Variants in CDAN1 observed in about 807,000 individuals in gnomAD.
CDAN1 encodes codanin-1.
A neutral mutation model predicts 139.8 loss-of-function variants in CDAN1; 107 were observed. That is an observed-to-expected ratio of 0.77 (90% CI 0.65 to 0.90). The LOEUF is 0.90. Ranked by LOEUF, CDAN1 falls within the 40% of genes least tolerant of loss-of-function variation. The pLI, the probability that CDAN1 is intolerant of heterozygous loss-of-function variation, is 0.00. For synonymous variants in CDAN1, 776 were observed against 660.6 expected, an observed-to-expected ratio of 1.17 and a Z score of -2.68; for missense variants, 1,667 against 1,575.7, an observed-to-expected ratio of 1.06 and a Z score of -0.98.
In CDAN1 at chr15:42,734,615, C is replaced by CT. The variant is rs899976002; in HGVS notation, c.1137-270dup. Among the ~76,000 whole-genome samples the CT allele has an allele frequency of 3.4e-3, 509 of 151,212 alleles. 1 individual carries two copies. Among genetic ancestry groups the CT allele is most frequent in the African/African-American group, 0.011 (465 of 41,248 alleles). On this transcript the variant is annotated intron_variant, in intron 6 of 27. Coordinates refer to ENST00000356231, the MANE Select transcript of CDAN1 (RefSeq NM_138477.4). ...AGACCACAGGGGTCCATTTCTTTTTCTTTTTTTTTGAGATGGGGGTCTCTG... is the reference window on the plus strand; with the variant it reads ...AGACCACAGGGGTCCATTTCTTTTTCTTTTTTTTTTGAGATGGGGGTCTCTG...
At position 42,728,235 on chromosome 15, in the gene CDAN1, C is replaced by T. The variant is rs142833783; in HGVS notation, c.2837G>A (p.Arg946Gln). 319 of 1,613,862 alleles carry T rather than the reference C, an allele frequency of 2.0e-4. No individual in the cohort carries two copies. The highest frequency in any genetic ancestry group is 1.9e-4 in the Non-Finnish European group (224 of 1,180,018). The change falls in exon 21 of 28, where the codon CGG becomes CAG. Residue 946 changes from arginine (R) to glutamine (Q), a missense_variant. Physicochemically the swap from Arg to Gln is conservative, Grantham distance 43 (BLOSUM62 1). Transcript: ENST00000356231. ...FCQRKSPGAVRALLPEETPAA... is the reference protein window; with the variant it reads ...FCQRKSPGAVQALLPEETPAA... ...CGGGGTCTCCTCTGGAAGCAGCGCCCGCACAGCCCCAGGGCTCTTCCTTTG... is the reference window on the plus strand; with the variant it reads ...CGGGGTCTCCTCTGGAAGCAGCGCCTGCACAGCCCCAGGGCTCTTCCTTTG...
At position 42,735,497 on chromosome 15, in the gene CDAN1, C is replaced by T. The variant is rs777427556; in HGVS notation, c.943+13G>A. The T allele has an allele frequency of 2.4e-5, 39 of 1,614,052 alleles. No homozygotes were observed. Among genetic ancestry groups the T allele is most frequent in the Admixed American group, 3.3e-5 (2 of 60,010 alleles). On this transcript the variant is annotated intron_variant, in intron 4 of 27. Coordinates refer to ENST00000356231, the MANE Select transcript of CDAN1 (RefSeq NM_138477.4). The stretch of plus-strand genomic sequence containing the variant: ...CAAGTGTCTCCACTCCCGCTCCCTC[C>T]GCTCTCACTCACCAGCAATGCACGA...
In CDAN1 at chr15:42,735,154, TG is replaced by T; in HGVS notation, c.1081del (p.Gln361LysfsTer29). ...AAAGAAGACACAATCGTGGATGCTTTGGAACAGTGGACTTTCCAGGGAATCT... is the reference window on the plus strand; with the variant it reads ...AAAGAAGACACAATCGTGGATGCTTTGAACAGTGGACTTTCCAGGGAATCT... ...VLDSLESPLF[Q>X]SIHDCVFFAV... On this transcript the variant is annotated frameshift_variant, in exon 6 of 28. Transcript: ENST00000356231. LOFTEE classifies it high-confidence loss of function. 1 of 1,613,978 alleles carries T rather than the reference TG, an allele frequency of 6.2e-7. No individual in the cohort carries two copies. The highest frequency in any genetic ancestry group is 8.5e-7 in the Non-Finnish European group (1 of 1,179,870).
At position 42,735,724 on chromosome 15, in the gene CDAN1, G is replaced by A. The variant is rs759435932; in HGVS notation, c.774-45C>T. On this transcript the variant is annotated intron_variant, in intron 3 of 27. Transcript: ENST00000356231. ...CATGAGCAGTCAGCTTGGCTTCCCT[G>A]CTACGGCCACACTCAGGTCACTCCA... 1.4e-5 allele frequency: 23 copies of A among 1,606,194 alleles called. No homozygotes were observed. The African/African-American group carries it at 2.8e-4, about 20-fold the overall frequency.
intron 6 of CDAN1, 128 bp from the exon 7 acceptor site, chr15:42,734,474 G>A: frequency 8.8e-7 from 1 of 1,130,432 alleles, no homozygotes; most frequent in South Asian, 1.3e-5. Context: ...GTACTGCAAG[G>A]TCATGGGCCA....
Position 42,735,945 on chromosome 15 carries a change from G to T in CDAN1, c.703C>A (p.Pro235Thr), listed in dbSNP as rs1399444457. The T allele has an allele frequency of 1.5e-5, 24 of 1,614,164 alleles. No homozygotes were observed. The highest frequency in any genetic ancestry group is 2.0e-5 in the Non-Finnish European group (24 of 1,180,016). ...CCTGGGGGAAGGCCAAGGCCCCAAG[G>T]GCTAGTGTCCAGGGCTGAGGGTTGG... ...SSQPSALDTS[P>T]WGLGLPPGCR... The change falls in exon 3 of 28, where the codon CCT becomes ACT. Residue 235 changes from proline (P) to threonine (T), a missense_variant. This residue lies in a region of CDAN1 where 487 missense variants were observed against 422.2 expected (regional missense o/e 1.15). Transcript: ENST00000356231.
At chr15:42,725,001 T>A (rs2061503666) in intron 27 of CDAN1, 143 bp downstream of exon 27, 1 of 745,450 alleles carries the variant, frequency 1.3e-6, no homozygotes, top group African/African-American at 1.7e-5. Flanking sequence ...TAATAACTAC[T>A]CAAATCGGGA....
At chr15:42,728,061 G>T in intron 21 of CDAN1, 28 bp from the exon 22 acceptor site, 1 of 1,610,036 alleles carries the variant, frequency 6.2e-7, no homozygotes, top group Non-Finnish European at 8.5e-7. Context: ...AGAGTCAGGG[G>T]CTAGGGGAGG....
chr15:42,724,775 CTGGGAGGCTGAAGTT>C (rs1451875306), intron 27 of CDAN1, 159 bp from the exon 28 acceptor site: 16 of 971,696 alleles, frequency 1.6e-5, no homozygotes, highest in Non-Finnish European at 2.5e-5. Context: ...TGTTAGTACT[CTGGGAGGCTGAAGTT>C]ATGGCAGGGA....
rs1322201070 is a variant in CDAN1 at position 42,730,136 on chromosome 15, G to T, written c.2254C>A (p.Leu752Ile). Residue 752 changes from leucine to isoleucine, a missense_variant, in exon 15 of 28, where the codon CTT becomes ATT. Leu to Ile is a conservative substitution (Grantham distance 5). Transcript: ENST00000356231. ...ACCCTCACTCTGCCCACCTGGAAAAGCCAGCCCAGGACAGCAAGTAGCAGC... is the reference window on the plus strand; with the variant it reads ...ACCCTCACTCTGCCCACCTGGAAAATCCAGCCCAGGACAGCAAGTAGCAGC... Reference protein sequence around the residue: ...KLLLLAVLGWLFQIPTVPEDL... With the variant: ...KLLLLAVLGWIFQIPTVPEDL... 1 of 1,614,110 alleles carries T rather than the reference G, an allele frequency of 6.2e-7. No individual in the cohort carries two copies. The highest frequency in any genetic ancestry group is 8.5e-7 in the Non-Finnish European group (1 of 1,179,986).
chr15:42,725,601 A>G lies in CDAN1; in HGVS notation c.3338T>C (p.Leu1113Pro), dbSNP rs373031380. 15 of 1,614,044 alleles carry G rather than the reference A, an allele frequency of 9.3e-6. No homozygotes were observed. Among genetic ancestry groups the G allele is most frequent in the African/African-American group, 1.3e-5 (1 of 74,906 alleles). Residue 1113 changes from leucine (L) to proline (P), a missense_variant, in exon 26 of 28, where the codon CTT becomes CCT. This residue lies in a region of CDAN1 where 936 missense variants were observed against 844.1 expected (regional missense o/e 1.11). Transcript: ENST00000356231. ...YRLERGQARR[L>P]LHMLLSLWKE... Reference sequence around the variant, plus strand: ...CCACAAGGAAAGCAGCATGTGCAGAAGCCTTCGAGCCTGCCCTCTCTCCAG... The same window carrying G: ...CCACAAGGAAAGCAGCATGTGCAGAGGCCTTCGAGCCTGCCCTCTCTCCAG...
At chr15:42,733,235 G>A in intron 8 of CDAN1, 49 bp from the exon 9 acceptor site, 1 of 1,483,692 alleles carries the variant, frequency 6.7e-7, no homozygotes, top group Non-Finnish European at 9.4e-7. Context: ...TCCCACCAGT[G>A]CCTTCCTGCC....
In CDAN1 at chr15:42,735,083, C is replaced by G; in HGVS notation, c.1136+17G>C. On this transcript the variant is annotated intron_variant, in intron 6 of 27. Coordinates refer to ENST00000356231, the MANE Select transcript of CDAN1 (RefSeq NM_138477.4). ...TGATGAGAATGAGGCCCAAATGCCT[C>G]AGCCAGGGAAACTCACTGAAAGTGA... The G allele has an allele frequency of 6.3e-7, 1 of 1,596,142 alleles. No individual in the cohort carries two copies. The highest frequency in any genetic ancestry group is 8.6e-7 in the Non-Finnish European group (1 of 1,164,074).
At position 42,726,464 on chromosome 15, in the gene CDAN1, G is replaced by A. The variant is rs1345358649; in HGVS notation, c.3097-47C>T. On this transcript the variant is annotated intron_variant, in intron 23 of 27. Transcript: ENST00000356231. ...ATCACCTTGCGCTGGGGGCCAGGAT[G>A]CCACAGAGAATTTGGCTTGGGACAG... The A allele has an allele frequency of 2.8e-6, 4 of 1,449,968 alleles. No individual in the cohort carries two copies. The Admixed American group carries it at 5.9e-5, about 21-fold the overall frequency. 89.8% of individuals were successfully genotyped at this position (1,449,968 alleles called of 1,614,324 possible).
chr15:42,735,740 G>C, intron 3 of CDAN1, 61 bp from the exon 4 acceptor site: 2 of 1,595,230 alleles, frequency 1.3e-6, no homozygotes, highest in South Asian at 2.2e-5. Flanking sequence ...GCCACACTCA[G>C]GTCACTCCAG....
intron 19 of CDAN1, 64 bp downstream of exon 19, chr15:42,728,959 C>T (rs2061570289): frequency 4.4e-6 from 7 of 1,574,280 alleles, no homozygotes; most frequent in Non-Finnish European, 4.4e-6. Context: ...CTCAGTTTAG[C>T]AACTGAGGAA....
intron 2 of CDAN1, 82 bp downstream of exon 2, chr15:42,736,220 C>G: frequency 6.3e-7 from 1 of 1,591,858 alleles, no homozygotes; most frequent in Non-Finnish European, 8.5e-7. Context: ...TCCTGGCGCT[C>G]CACTGCGGAG....
Position 42,726,364 on chromosome 15 carries a change from T to A in CDAN1, c.3150A>T (p.Pro1050=). 1.3e-6 allele frequency: 2 copies of A among 1,598,824 alleles called. No individual in the cohort carries two copies. The highest frequency in any genetic ancestry group is 1.7e-6 in the Non-Finnish European group (2 of 1,172,898). Reference sequence around the variant, plus strand: ...GGCCTAGGAGCTGTTCCAGATGCTCTGGGGAGACTCCCTCGTCAGGGTCCC... The same window carrying A: ...GGCCTAGGAGCTGTTCCAGATGCTCAGGGGAGACTCCCTCGTCAGGGTCCC... ...GPRDPDEGVS[P]EHLEQLLGQL... The change falls in exon 24 of 28, where the codon CCA becomes CCT. Residue 1050 remains proline, a synonymous_variant. Transcript: ENST00000356231.
At chr15:42,726,259 T>G in intron 24 of CDAN1, 51 bp downstream of exon 24, 1 of 1,596,344 alleles carries the variant, frequency 6.3e-7, no homozygotes, top group Non-Finnish European at 8.6e-7. Flanking sequence ...TTATCAGGTC[T>G]CACACAAGGA....
Sources: allele counts gnomAD v4.1 joint callset (sites outside exome capture counted in the v4.1 genomes callset), GRCh38; gene constraint gnomAD v4.1.1; regional missense constraint gnomAD v4.1.1; transcripts MANE v1.5; gene names NCBI Gene and HGNC (gene_info 2026-07-23, HGNC 2026-07-21).